Variants in ATRN observed in about 807,000 individuals in gnomAD.
ATRN encodes the protein attractin, also known as attractin-2.
A neutral mutation model predicts 178.7 loss-of-function variants in ATRN; 54 were observed. That is an observed-to-expected ratio of 0.30 (90% CI 0.24 to 0.38). The LOEUF (loss-of-function observed/expected upper bound fraction) is 0.38. ATRN is among the 10% of genes least tolerant of loss of function. The pLI is 1.00. For missense variants in ATRN, 1,443 were observed against 1,815.1 expected, an observed-to-expected ratio of 0.79 and a Z score of 3.73; for synonymous variants, 636 against 663.0, an observed-to-expected ratio of 0.96 and a Z score of 0.63.
intron 1 of ATRN, among the ~76,000 whole-genome samples, chr20:3,485,497 C>T (rs996544456): frequency 6.7e-6 from 1 of 150,360 alleles, no homozygotes. Flanking sequence ...ATTACACTTA[C>T]ATACTTTTTA....
chr20:3,643,908 C>G (rs1388794812), intron 27 of ATRN, among the ~76,000 whole-genome samples: 1 of 152,202 alleles, frequency 6.6e-6, no homozygotes, highest in African/African-American at 2.4e-5. Context: ...CCCTACAGTT[C>G]AAGCAGCCCT....
intron 18 of ATRN, among the ~76,000 whole-genome samples, chr20:3,588,231 G>A (rs554124924): frequency 6.6e-6 from 1 of 152,228 alleles, no homozygotes; most frequent in Non-Finnish European, 1.5e-5. Flanking sequence ...TTTTGGCATT[G>A]TTTTATAGTT....
chr20:3,546,681 G>A (rs1600095438), intron 4 of ATRN, among the ~76,000 whole-genome samples: 2 of 152,198 alleles, frequency 1.3e-5, no homozygotes, highest in Admixed American at 1.3e-4. Context: ...GTGAGCCACT[G>A]CGCCTGGCCA....
At chr20:3,550,841 A>G (rs2085777087) in intron 6 of ATRN, among the ~76,000 whole-genome samples, 1 of 152,098 alleles carries the variant, frequency 6.6e-6, no homozygotes, top group Admixed American at 6.5e-5. Flanking sequence ...TGGCTGGACA[A>G]CCCAGAGGAA....
At chr20:3,525,759 A>G (rs1439474721) in intron 1 of ATRN, among the ~76,000 whole-genome samples, 4 of 152,230 alleles carry the variant, frequency 2.6e-5, no homozygotes, top group Non-Finnish European at 4.4e-5. Context: ...ACGGAAATCA[A>G]TAAACGTAAT....
At chr20:3,568,152 G>T (rs1234324691) in intron 11 of ATRN, among the ~76,000 whole-genome samples, 1 of 151,816 alleles carries the variant, frequency 6.6e-6, no homozygotes, top group South Asian at 2.1e-4. Context: ...TTAGCTGGGC[G>T]TGGTGGCGGG....
intron 26 of ATRN, among the ~76,000 whole-genome samples, chr20:3,636,343 C>CA (rs888015434): frequency 6.6e-5 from 10 of 152,078 alleles, no homozygotes; most frequent in Non-Finnish European, 1.3e-4. Context: ...TATATCATGT[C>CA]AAAAAAAGAA....
Position 3,583,993 on chromosome 20 carries a change from A to G in ATRN, c.2860A>G (p.Asn954Asp). The G allele has an allele frequency of 6.2e-7, 1 of 1,614,184 alleles. No homozygotes were observed. Among genetic ancestry groups the G allele is most frequent in the Non-Finnish European group, 8.5e-7 (1 of 1,180,020 alleles). Residue 954 changes from asparagine to aspartate, a missense_variant, in exon 17 of 29, where the codon AAC (asparagine) becomes GAC (aspartate). Physicochemically the swap from Asn to Asp is conservative, Grantham distance 23. Around this residue, in one of 4 missense-constraint regions of ATRN, gnomAD observed 212 missense variants for 330.7 expected, o/e 0.64. Coordinates refer to ENST00000262919, the MANE Select transcript of ATRN (RefSeq NM_139321.3). ...SGSSECMWCS[N>D]MKQCVDSNAY... Reference sequence around the variant, plus strand: ...CAGCTCTGAGTGCATGTGGTGCAGCAACATGAAGCAGTGTGTGGACTCCAA... The same window carrying G: ...CAGCTCTGAGTGCATGTGGTGCAGCGACATGAAGCAGTGTGTGGACTCCAA...
chr20:3,529,004 A>G (rs2085413267), intron 1 of ATRN, among the ~76,000 whole-genome samples: 1 of 151,934 alleles, frequency 6.6e-6, no homozygotes, highest in Non-Finnish European at 1.5e-5. Context: ...TGTAGAGACT[A>G]GGTTTCACTA....
intron 12 of ATRN, 61 bp from the exon 13 acceptor site, chr20:3,575,766 C>G (rs1387700747): frequency 2.6e-6 from 4 of 1,511,108 alleles, no homozygotes; most frequent in East Asian, 2.3e-5. Context: ...TTTTTAACTT[C>G]GGTCTCAGAT....
At chr20:3,474,866 A>C (rs972207427) in intron 1 of ATRN, among the ~76,000 whole-genome samples, 4 of 151,402 alleles carry the variant, frequency 2.6e-5, no homozygotes, top group Admixed American at 6.6e-5. Flanking sequence ...CCCCGTCTCT[A>C]CTAAAAATAC....
chr20:3,616,831 ACC>A (rs962052260), intron 24 of ATRN, among the ~76,000 whole-genome samples: 10 of 151,900 alleles, frequency 6.6e-5, no homozygotes, highest in African/African-American at 2.4e-4. Flanking sequence ...TTGTGTAGAA[ACC>A]CAGGGAAGGG....
chr20:3,606,538 C>G (rs1449170552), intron 24 of ATRN, among the ~76,000 whole-genome samples: 1 of 152,202 alleles, frequency 6.6e-6, no homozygotes, highest in African/African-American at 2.4e-5. Flanking sequence ...ACAGCCCTAC[C>G]TGGGTAGTCA....
At chr20:3,520,097 G>A (rs904428956) in intron 1 of ATRN, among the ~76,000 whole-genome samples, 1 of 152,200 alleles carries the variant, frequency 6.6e-6, no homozygotes, top group Admixed American at 6.6e-5. Flanking sequence ...AATGGATGAG[G>A]TTGGGCTGGG....
At position 3,562,304 on chromosome 20, in the gene ATRN, C is replaced by G; in HGVS notation, c.1476C>G (p.Thr492=). ...AGAACACATGGAGTATATTACACAC[C>G]CAGGGTGCCCTTGTGCAAGGGGGTT... ...LDKNTWSILH[T]QGALVQGGYG... Residue 492 remains threonine (T), a synonymous_variant, in exon 9 of 29, where the codon ACC becomes ACG. Coordinates refer to ENST00000262919, the MANE Select transcript of ATRN (RefSeq NM_139321.3). 1 of 1,613,824 alleles carries G rather than the reference C, an allele frequency of 6.2e-7. No individual in the cohort carries two copies. The highest frequency in any genetic ancestry group is 8.5e-7 in the Non-Finnish European group (1 of 1,179,852).
chr20:3,535,734 C>T (rs761176741), intron 2 of ATRN, among the ~76,000 whole-genome samples: 1 of 151,996 alleles, frequency 6.6e-6, no homozygotes, highest in Non-Finnish European at 1.5e-5. Flanking sequence ...CAGGTTCAAG[C>T]GATTCTCCTG....
At chr20:3,596,090 A>G (rs1354042269) in intron 20 of ATRN, among the ~76,000 whole-genome samples, 3 of 152,218 alleles carry the variant, frequency 2.0e-5, no homozygotes, top group Non-Finnish European at 4.4e-5. Context: ...AAAATTGAAA[A>G]TGTTTTTCAT....
chr20:3,572,511 T>G lies in ATRN; in HGVS notation c.1872-220T>G, dbSNP rs2086140125. ...TGATATGTAAGATTTGTTTGAAGATTGTCTGTAAAAAGTGTATCATGGTAG... is the reference window on the plus strand; with the variant it reads ...TGATATGTAAGATTTGTTTGAAGATGGTCTGTAAAAAGTGTATCATGGTAG... On this transcript the variant is annotated intron_variant, in intron 11 of 28. Transcript: ENST00000262919. Among the ~76,000 whole-genome samples, 3 of 152,098 alleles carry G rather than the reference T, an allele frequency of 2.0e-5. No individual in the cohort carries two copies. In the South Asian group the frequency reaches 6.2e-4, roughly 32 times the overall value.
At chr20:3,565,309 A>G in intron 10 of ATRN, 39 bp from the exon 11 acceptor site, 2 of 1,511,546 alleles carry the variant, frequency 1.3e-6, no homozygotes, top group African/African-American at 1.4e-5. Context: ...TTGATTAGAA[A>G]TGGTAGTCCG....
Sources: gnomAD v4.1 joint callset for allele counts (sites outside exome capture counted in the v4.1 genomes callset) on GRCh38, gnomAD v4.1.1 for gene constraint, gnomAD v4.1.1 regional missense constraint, MANE v1.5 for transcripts, NCBI Gene and HGNC (gene_info 2026-07-23, HGNC 2026-07-21) for gene names.